The following MSTO1 variants were observed in gnomAD, a reference collection of about 807,000 sequenced individuals.
MSTO1 encodes the protein misato mitochondrial distribution and morphology regulator 1.
MSTO1 carries 24 observed loss-of-function variants against 55.7 expected under a neutral mutation model. The observed-to-expected ratio is 0.43, with a 90% CI of 0.31 to 0.61. The LOEUF (loss-of-function observed/expected upper bound fraction) is 0.61. Among genes scored for constraint, MSTO1 ranks in the 20% least tolerant of loss-of-function variants. MSTO1 has a pLI of 0.09. For missense variants in MSTO1, 363 were observed against 625.7 expected (o/e 0.58, Z 4.48); for synonymous variants, 162 against 252.8 (o/e 0.64, Z 3.41).
At chr1:155,609,744 G>A (rs1673424342), upstream of MSTO1, 1 of 163,262 alleles carries the variant, frequency 6.1e-6, no homozygotes, top group Non-Finnish European at 1.3e-5. Context: ...AAATGATAGA[G>A]ATATGATAGC....
chr1:155,611,861 CAT>C (rs1339404607), intron 6 of MSTO1, 34 bp downstream of exon 6: 1 of 665,392 alleles, frequency 1.5e-6, no homozygotes, highest in Non-Finnish European at 2.4e-6. Flanking sequence ...AGGCAAGAAA[CAT>C]GGGTCCCCAC....
At chr1:155,584,783 C>G in the MSTO1 span, among the ~76,000 whole-genome samples, 2 of 151,654 alleles carry the variant, frequency 1.3e-5, no homozygotes, top group African/African-American at 4.8e-5. Flanking sequence ...CTGTATCACC[C>G]AGGCTGGAGT....
the MSTO1 span, among the ~76,000 whole-genome samples, chr1:155,580,196 GC>G: frequency 1.3e-5 from 2 of 150,538 alleles, no homozygotes; most frequent in African/African-American, 4.9e-5. Flanking sequence ...TTTGAAACCA[GC>G]CTTGGTAACA....
At position 155,614,107 on chromosome 1, in the gene MSTO1, T is replaced by C. The variant is rs1351041212; in HGVS notation, c.1547T>C (p.Leu516Pro). The C allele has an allele frequency of 6.7e-7, 1 of 1,502,610 alleles. No individual in the cohort carries two copies. 93.1% of individuals were successfully genotyped at this position (1,502,610 alleles called of 1,614,324 possible). A position where few individuals can be genotyped will look rare whatever the true frequency, so the allele number is the denominator to read the frequency against. ...VFGALCSSSS[L>P]HQTLEALARD... Reference sequence around the variant, plus strand: ...GGGGCACTGTGTTCCTCTTCGTCCCTGCACCAGACCCTGGAAGCCTTGGCC... The same window carrying C: ...GGGGCACTGTGTTCCTCTTCGTCCCCGCACCAGACCCTGGAAGCCTTGGCC... The change falls in exon 14 of 14, where the codon CTG becomes CCG. Residue 516 changes from leucine (L) to proline (P), a missense_variant. Leu to Pro is a moderately conservative substitution (Grantham distance 98, BLOSUM62 -3). This residue lies in a region of MSTO1 where 38 missense variants were observed against 126.4 expected (regional missense o/e 0.30). Transcript: ENST00000245564.
At chr1:155,606,191 G>A (rs1329450573), upstream of MSTO1, among the ~76,000 whole-genome samples, 5 of 82,180 alleles carry the variant, frequency 6.1e-5, no homozygotes, top group African/African-American at 8.7e-5. Flanking sequence ...TGGCCACCAT[G>A]CCCAGCCTTT....
At chr1:155,601,305 T>G in the MSTO1 span, among the ~76,000 whole-genome samples, 1 of 151,642 alleles carries the variant, frequency 6.6e-6, no homozygotes, top group African/African-American at 2.4e-5. Context: ...GGCTATTTTT[T>G]TTTGTATTTT....
the MSTO1 span, chr1:155,590,523 T>C: frequency 2.9e-6 from 2 of 699,148 alleles, no homozygotes; most frequent in African/African-American, 1.8e-5. Context: ...ACAAAAGATA[T>C]GAACCCATCC....
At chr1:155,596,785 A>G in the MSTO1 span, among the ~76,000 whole-genome samples, 1 of 151,042 alleles carries the variant, frequency 6.6e-6, no homozygotes, top group African/African-American at 2.4e-5. Context: ...TCTCAAAACA[A>G]TGGGAGATAT....
the MSTO1 span, among the ~76,000 whole-genome samples, chr1:155,577,869 C>T: frequency 1.3e-5 from 2 of 152,162 alleles, no homozygotes; most frequent in Non-Finnish European, 2.9e-5. Flanking sequence ...CCTCAGCTCC[C>T]CAACTAGCTG....
chr1:155,563,605 C>G, the MSTO1 span: 42 of 456,334 alleles, frequency 9.2e-5, no homozygotes, highest in Admixed American at 6.6e-4. Context: ...GATGGTACTT[C>G]TTCAGCCTCG....
chr1:155,576,811 C>T, the MSTO1 span, among the ~76,000 whole-genome samples: 11 of 148,148 alleles, frequency 7.4e-5, no homozygotes, highest in African/African-American at 2.3e-4. Context: ...GTCAGGAGAT[C>T]GAGACCATCC....
At chr1:155,564,820 TCA>T in the MSTO1 span, among the ~76,000 whole-genome samples, 1 of 152,068 alleles carries the variant, frequency 6.6e-6, no homozygotes, top group Non-Finnish European at 1.5e-5. Context: ...GCAAAGCAAG[TCA>T]CAGAAATATT....
chr1:155,610,532 G>T lies in MSTO1; in HGVS notation c.192G>T (p.Thr64=). 1.0e-6 allele frequency: 1 copy of T among 976,058 alleles called. No homozygotes were observed. Among genetic ancestry groups the T allele is most frequent in the Non-Finnish European group, 1.5e-6 (1 of 673,812 alleles). The allele number at this position is 976,058 out of a possible 1,614,324, so 60.5% of individuals were successfully genotyped here. Residue 64 remains threonine, a synonymous_variant, in exon 2 of 14, where the codon ACG becomes ACT. Coordinates refer to ENST00000245564, the MANE Select transcript of MSTO1 (RefSeq NM_018116.4). ...CGCTGCACGGCCAGGAGACCTACACGCCGCGACTCATCCTCATGGATCTGA... is the reference window on the plus strand; with the variant it reads ...CGCTGCACGGCCAGGAGACCTACACTCCGCGACTCATCCTCATGGATCTGA... ...GRTLHGQETY[T]PRLILMDLKG...
chr1:155,614,096 C>T lies in MSTO1; in HGVS notation c.1536C>T (p.Ser512=), dbSNP rs140702961. 101 of 1,486,472 alleles carry T rather than the reference C, an allele frequency of 6.8e-5. No individual in the cohort carries two copies. In the African/African-American group the frequency reaches 1.0e-3, roughly 15 times the overall value. 92.1% of individuals were successfully genotyped at this position (1,486,472 alleles called of 1,614,324 possible). ...TCCCAGTGTTTGGGGCACTGTGTTC[C>T]TCTTCGTCCCTGCACCAGACCCTGG... ...ESIPVFGALC[S]SSSLHQTLEA... is the part of the protein sequence containing the mutation. Residue 512 remains serine (S), a synonymous_variant, in exon 14 of 14, where the codon TCC becomes TCT. Transcript: ENST00000245564.
chr1:155,572,332 A>G, the MSTO1 span, among the ~76,000 whole-genome samples: 1 of 152,172 alleles, frequency 6.6e-6, no homozygotes, highest in Non-Finnish European at 1.5e-5. Context: ...AGAACTACTA[A>G]TTTAGAGAAA....
chr1:155,581,116 T>C, the MSTO1 span, among the ~76,000 whole-genome samples: 1 of 152,116 alleles, frequency 6.6e-6, no homozygotes, highest in Admixed American at 6.6e-5. Context: ...GATTTGTTTA[T>C]CTACATTTTA....
At chr1:155,607,769 G>A (rs986203692), upstream of MSTO1, among the ~76,000 whole-genome samples, 4 of 152,222 alleles carry the variant, frequency 2.6e-5, no homozygotes, top group East Asian at 1.9e-4. Context: ...TTGGGAGGCC[G>A]AAGTGGGCAG....
chr1:155,576,114 G>T, the MSTO1 span, among the ~76,000 whole-genome samples: 1 of 151,960 alleles, frequency 6.6e-6, no homozygotes, highest in Non-Finnish European at 1.5e-5. Flanking sequence ...GAGCCACCCC[G>T]CCAGGCCCCC....
the MSTO1 span, among the ~76,000 whole-genome samples, chr1:155,594,828 A>T: frequency 6.6e-6 from 1 of 152,086 alleles, no homozygotes; most frequent in Non-Finnish European, 1.5e-5. Flanking sequence ...AACATCAAAG[A>T]TTTAGAGATA....
Sources: gnomAD v4.1 joint callset for allele counts (sites outside exome capture counted in the v4.1 genomes callset) on GRCh38, gnomAD v4.1.1 for gene constraint, gnomAD v4.1.1 regional missense constraint, MANE v1.5 for transcripts, NCBI Gene and HGNC (gene_info 2026-07-23, HGNC 2026-07-21) for gene names.